The following RB1CC1 variants were observed in gnomAD, a reference collection of about 807,000 sequenced individuals.
The protein encoded by RB1CC1 is RB1-inducible coiled-coil protein 1.
A neutral mutation model predicts 177.5 loss-of-function variants in RB1CC1; 46 were observed. The observed-to-expected ratio is 0.26, with a 90% CI of 0.20 to 0.33. The LOEUF is 0.33. Ranked by LOEUF, RB1CC1 falls within the 10% of genes least tolerant of loss-of-function variation. The pLI is 1.00. For missense variants in RB1CC1, 1,703 were observed against 1,816.3 expected, an observed-to-expected ratio of 0.94 and a Z score of 1.13; for synonymous variants, 666 against 613.6, an observed-to-expected ratio of 1.09 and a Z score of -1.26.
intron 18 of RB1CC1, among the ~76,000 whole-genome samples, chr8:52,638,582 A>C (rs1849328660): frequency 6.6e-6 from 1 of 152,116 alleles, no homozygotes; most frequent in South Asian, 2.1e-4. Context: ...AATATTAACC[A>C]CCAGACTTCT....
intron 5 of RB1CC1, among the ~76,000 whole-genome samples, chr8:52,681,845 C>T (rs983795878): frequency 3.3e-5 from 5 of 152,154 alleles, no homozygotes; most frequent in South Asian, 4.1e-4. Context: ...AGAAGATGTA[C>T]GGAAACGCCT....
intron 1 of RB1CC1, among the ~76,000 whole-genome samples, chr8:52,694,174 C>G (rs1037091064): frequency 6.6e-6 from 1 of 152,176 alleles, no homozygotes. Flanking sequence ...CTGGGGCCAC[C>G]TTCAAATAGG....
At chr8:52,633,182 C>T (rs112766897) in intron 20 of RB1CC1, among the ~76,000 whole-genome samples, 4,464 of 152,220 alleles carry the variant, frequency 0.029, 247 homozygotes, top group African/African-American at 0.1. Context: ...CTTGGGCACA[C>T]GTCAGGACCT....
intron 6 of RB1CC1, among the ~76,000 whole-genome samples, chr8:52,675,036 A>G (rs1359577720): frequency 6.6e-6 from 1 of 152,184 alleles, no homozygotes; most frequent in Non-Finnish European, 1.5e-5. Context: ...AAGCATAGGG[A>G]AAATATGAAA....
rs764036739 is a variant in RB1CC1, at chr8:52,657,417, A to T, written c.2412T>A (p.Val804=). 6.2e-7 allele frequency: 1 copy of T among 1,613,808 alleles called. No individual in the cohort carries two copies. Among genetic ancestry groups the T allele is most frequent in the African/African-American group, 1.3e-5 (1 of 74,942 alleles). The stretch of plus-strand genomic sequence containing the variant: ...GTATACTGAAGTGAGAGTCTTGGGC[A>T]ACAACTCTACATCTTTCCAACTGGA... The part of the protein sequence containing the change: ...LNVQLERCRV[V]AQDSHFSIQT... Residue 804 remains valine (V), a synonymous_variant, in exon 15 of 24, where the codon GTT becomes GTA. Transcript: ENST00000025008.
chr8:52,707,963 T>G (rs1187617348), intron 1 of RB1CC1, among the ~76,000 whole-genome samples: 1 of 152,212 alleles, frequency 6.6e-6, no homozygotes, highest in Non-Finnish European at 1.5e-5. Context: ...ACGATACCTT[T>G]CACAGAGATG....
intron 7 of RB1CC1, 130 bp from the exon 8 acceptor site, chr8:52,668,321 C>T: frequency 2.9e-6 from 3 of 1,023,814 alleles, no homozygotes; most frequent in Non-Finnish European, 4.2e-6. Flanking sequence ...AGCATGGGAA[C>T]TCTAAGTTAT....
chr8:52,713,396 TCTA>T (rs1375796725), intron 1 of RB1CC1, among the ~76,000 whole-genome samples: 1 of 152,228 alleles, frequency 6.6e-6, no homozygotes, highest in Non-Finnish European at 1.5e-5. Flanking sequence ...AGCTGCTATT[TCTA>T]CTGTTGGTTA....
chr8:52,640,608 T>C (rs1849493238), intron 18 of RB1CC1, among the ~76,000 whole-genome samples: 1 of 152,198 alleles, frequency 6.6e-6, no homozygotes, highest in Admixed American at 6.5e-5. Context: ...CTGTATCATT[T>C]GGCTCTAGGT....
chr8:52,674,297 A>C (rs772451280), intron 6 of RB1CC1, 23 bp from the exon 7 acceptor site: 1 of 1,547,812 alleles, frequency 6.5e-7, no homozygotes, highest in Non-Finnish European at 8.9e-7. Flanking sequence ...AAGATCTGTC[A>C]GTAAAACTAT....
At chr8:52,701,060 A>AT (rs1413997204) in intron 1 of RB1CC1, among the ~76,000 whole-genome samples, 1 of 152,214 alleles carries the variant, frequency 6.6e-6, no homozygotes, top group Non-Finnish European at 1.5e-5. Flanking sequence ...GGAAACAGAC[A>AT]TAACTGGTCT....
Position 52,657,229 on chromosome 8 carries a change from A to G in RB1CC1, c.2600T>C (p.Leu867Pro). The change falls in exon 15 of 24, where the codon CTA becomes CCA. Residue 867 changes from leucine to proline, a missense_variant. By Grantham distance (98) the Leu-to-Pro change is moderately conservative. Around this residue, in one of 6 missense-constraint regions of RB1CC1, gnomAD observed 1,169 missense variants for 1,184.7 expected, o/e 0.99. Coordinates refer to ENST00000025008, the MANE Select transcript of RB1CC1 (RefSeq NM_014781.5). ...TTCATATTCATTTTTTAAAGACAGT[A>G]GTTCTTTTTGATGTTTTTCTTTTAG... ...ITLKEKHQKE[L>P]LSLKNEYEGK... 1 of 1,594,440 alleles carries G rather than the reference A, an allele frequency of 6.3e-7. No individual in the cohort carries two copies.
chr8:52,691,821 T>C (rs1854888733), intron 1 of RB1CC1, among the ~76,000 whole-genome samples: 1 of 152,214 alleles, frequency 6.6e-6, no homozygotes, highest in Admixed American at 6.5e-5. Flanking sequence ...CCAGTACCGG[T>C]AACCTGTGAG....
chr8:52,674,390 A>G, intron 6 of RB1CC1, 116 bp from the exon 7 acceptor site: 1 of 875,608 alleles, frequency 1.1e-6, no homozygotes, highest in Non-Finnish European at 1.8e-6. Flanking sequence ...TCTCCATAAC[A>G]TTATACATAC....
chr8:52,625,998 CAG>C (rs1848363600), intron 22 of RB1CC1, among the ~76,000 whole-genome samples: 1 of 152,140 alleles, frequency 6.6e-6, no homozygotes, highest in Non-Finnish European at 1.5e-5. Context: ...GATCACATGA[CAG>C]AAACAGAAAA....
intron 5 of RB1CC1, among the ~76,000 whole-genome samples, chr8:52,677,068 A>C (rs1208976292): frequency 6.6e-6 from 1 of 152,240 alleles, no homozygotes. Flanking sequence ...ATTCAGTTCC[A>C]AACAATGAAG....
intron 20 of RB1CC1, among the ~76,000 whole-genome samples, 193 bp downstream of exon 20, chr8:52,634,728 A>C (rs1316351475): frequency 6.6e-6 from 1 of 152,174 alleles, no homozygotes; most frequent in Non-Finnish European, 1.5e-5. Context: ...CTGACTCTAC[A>C]GTCAGGAGAT....
In RB1CC1 at chr8:52,658,171, T is replaced by G. The variant is rs763628966; in HGVS notation, c.1794-47A>C. 5 of 1,568,082 alleles carry G rather than the reference T, an allele frequency of 3.2e-6. No homozygotes were observed. The South Asian group carries it at 5.9e-5, about 18-fold the overall frequency. On this transcript the variant is annotated intron_variant, in intron 13 of 23. Transcript: ENST00000025008. ...TTAGACTTCTGATTTTTTAATGAAC[T>G]AGTAGATAACTGCTACCAAATATTT...
At chr8:52,652,065 A>G (rs1226347475) in intron 15 of RB1CC1, among the ~76,000 whole-genome samples, 6 of 152,226 alleles carry the variant, frequency 3.9e-5, no homozygotes, top group African/African-American at 2.4e-5. Flanking sequence ...ATTCAGCATA[A>G]GGTTGGATTT....
Sources: allele counts gnomAD v4.1 joint callset (sites outside exome capture counted in the v4.1 genomes callset), GRCh38; gene constraint gnomAD v4.1.1; regional missense constraint gnomAD v4.1.1; transcripts MANE v1.5; gene names NCBI Gene and HGNC (gene_info 2026-07-23, HGNC 2026-07-21).